Variants in KCNH7 observed in about 807,000 individuals in gnomAD.
KCNH7 encodes voltage-gated inwardly rectifying potassium channel KCNH7.
Under a neutral mutation model 120.8 loss-of-function variants are expected in KCNH7, and 49 were observed. The ratio of observed to expected loss-of-function variants is 0.41; its 90% CI spans 0.32 to 0.51. KCNH7 has a LOEUF of 0.51. Among genes scored for constraint, KCNH7 ranks in the 20% least tolerant of loss-of-function variants. The probability of loss-of-function intolerance (pLI) is 0.38; values close to 1 mark genes in which losing one functional copy is unlikely to be tolerated. For missense variants in KCNH7, 1,097 were observed against 1,446.6 expected (o/e 0.76, Z 3.92); for synonymous variants, 547 against 516.1 (o/e 1.06, Z -0.81).
chr2:162,428,046 G>C (rs1408752638), intron 8 of KCNH7, among the ~76,000 whole-genome samples: 1 of 151,294 alleles, frequency 6.6e-6, no homozygotes, highest in Non-Finnish European at 1.5e-5. Flanking sequence ...AGTTGTATTA[G>C]GTTTTAATTT....
At chr2:162,664,404 T>C (rs1394927366) in intron 2 of KCNH7, among the ~76,000 whole-genome samples, 3 of 152,184 alleles carry the variant, frequency 2.0e-5, no homozygotes, top group Non-Finnish European at 4.4e-5. Flanking sequence ...GCAGGTGCTA[T>C]GCTGGATATC....
intron 9 of KCNH7, among the ~76,000 whole-genome samples, chr2:162,406,956 A>G (rs1573921910): frequency 6.6e-6 from 1 of 152,168 alleles, no homozygotes; most frequent in Non-Finnish European, 1.5e-5. Context: ...TGATCATGAT[A>G]GGTGAACTCT....
intron 3 of KCNH7, among the ~76,000 whole-genome samples, chr2:162,535,250 G>C (rs1200646820): frequency 2.0e-5 from 3 of 151,596 alleles, no homozygotes; most frequent in Non-Finnish European, 4.4e-5. Context: ...ATTTTGACAA[G>C]AGAAAACTAT....
chr2:162,836,809 A>G (rs1685680583), intron 1 of KCNH7, 42 bp from the exon 2 acceptor site: 1 of 1,432,970 alleles, frequency 7.0e-7, no homozygotes, highest in African/African-American at 1.4e-5. Flanking sequence ...AAAAGCTTCC[A>G]CAATATTCTC....
chr2:162,658,204 T>C (rs1423903954), intron 2 of KCNH7, among the ~76,000 whole-genome samples: 3 of 151,952 alleles, frequency 2.0e-5, no homozygotes, highest in African/African-American at 7.2e-5. Flanking sequence ...ATTTTTTTAT[T>C]TGTGTGGACA....
At chr2:162,498,882 T>C (rs1451885399) in intron 6 of KCNH7, among the ~76,000 whole-genome samples, 8 of 152,038 alleles carry the variant, frequency 5.3e-5, no homozygotes, top group African/African-American at 1.7e-4. Flanking sequence ...TGTATATAGC[T>C]CACCCCAAAG....
intron 2 of KCNH7, among the ~76,000 whole-genome samples, chr2:162,635,304 G>T (rs991047229): frequency 5.3e-5 from 8 of 152,036 alleles, no homozygotes; most frequent in Admixed American, 3.3e-4. Flanking sequence ...CAGTGGCAGA[G>T]AAATGAAATG....
chr2:162,800,418 T>A (rs1233286100), intron 2 of KCNH7, among the ~76,000 whole-genome samples: 1 of 151,770 alleles, frequency 6.6e-6, no homozygotes, highest in Non-Finnish European at 1.5e-5. Flanking sequence ...TACATTTTTA[T>A]TGAGTATACT....
chr2:162,661,082 T>C (rs1309170885), intron 2 of KCNH7, among the ~76,000 whole-genome samples: 5 of 152,200 alleles, frequency 3.3e-5, no homozygotes, highest in Non-Finnish European at 5.9e-5. Flanking sequence ...ATTTTCAAAA[T>C]GTTTTGAAGA....
intron 2 of KCNH7, among the ~76,000 whole-genome samples, chr2:162,679,091 A>G (rs1685624103): frequency 6.6e-6 from 1 of 151,652 alleles, no homozygotes; most frequent in Admixed American, 6.6e-5. Flanking sequence ...GCAGCATGTT[A>G]TCCTGGAATG....
intron 2 of KCNH7, among the ~76,000 whole-genome samples, chr2:162,823,175 T>G (rs1271205909): frequency 3.9e-5 from 6 of 152,146 alleles, no homozygotes; most frequent in African/African-American, 1.4e-4. Flanking sequence ...TTATTGAACT[T>G]CATCTTTTCA....
chr2:162,424,123 T>G (rs1215705394), intron 8 of KCNH7, among the ~76,000 whole-genome samples: 3 of 152,164 alleles, frequency 2.0e-5, no homozygotes, highest in African/African-American at 7.2e-5. Context: ...TTGTATACAG[T>G]TTTTATCCTA....
At chr2:162,788,351 C>T (rs754465508) in intron 2 of KCNH7, among the ~76,000 whole-genome samples, 12 of 151,886 alleles carry the variant, frequency 7.9e-5, no homozygotes, top group Non-Finnish European at 1.3e-4. Context: ...CAAGAGAACA[C>T]CACTACCTGA....
At chr2:162,636,461 A>G (rs1297067148) in intron 2 of KCNH7, among the ~76,000 whole-genome samples, 2 of 152,050 alleles carry the variant, frequency 1.3e-5, no homozygotes, top group African/African-American at 4.8e-5. Context: ...ATCCATGCAA[A>G]ATCAGCCTTG....
intron 2 of KCNH7, among the ~76,000 whole-genome samples, chr2:162,650,756 C>T (rs1343313625): frequency 6.6e-6 from 1 of 152,174 alleles, no homozygotes; most frequent in African/African-American, 2.4e-5. Context: ...TTCAGCTCTA[C>T]CAGAGCAAGG....
At chr2:162,472,237 T>C (rs916126171) in intron 6 of KCNH7, among the ~76,000 whole-genome samples, 2 of 151,954 alleles carry the variant, frequency 1.3e-5, no homozygotes, top group Admixed American at 6.6e-5. Flanking sequence ...AATTGACAAA[T>C]GGGATCTAAT....
At chr2:162,803,367 C>T (rs1248378267) in intron 2 of KCNH7, among the ~76,000 whole-genome samples, 1 of 151,696 alleles carries the variant, frequency 6.6e-6, no homozygotes. Context: ...AACTTGTAGG[C>T]ATTTTTGTTG....
intron 3 of KCNH7, among the ~76,000 whole-genome samples, chr2:162,533,055 A>G (rs1691983688): frequency 6.6e-6 from 1 of 151,914 alleles, no homozygotes; most frequent in African/African-American, 2.4e-5. Flanking sequence ...TAATAATTTT[A>G]TTTTTGCTCA....
chr2:162,602,230 G>C (rs968413104), intron 2 of KCNH7, among the ~76,000 whole-genome samples: 3 of 152,058 alleles, frequency 2.0e-5, no homozygotes, highest in Non-Finnish European at 2.9e-5. Flanking sequence ...TCCCGAGTGA[G>C]AGCCAAACCA....
Sources: allele counts gnomAD v4.1 joint callset (sites outside exome capture counted in the v4.1 genomes callset), GRCh38; gene constraint gnomAD v4.1.1; transcripts MANE v1.5; gene names NCBI Gene and HGNC (gene_info 2026-07-23, HGNC 2026-07-21).